Variants in ZEB2 observed in about 807,000 individuals in gnomAD.
ZEB2 encodes the protein zinc finger E-box binding homeobox 2.
A neutral mutation model predicts 99.9 loss-of-function variants in ZEB2; 6 were observed. The observed-to-expected ratio is 0.06, with a 90% CI of 0.03 to 0.12. ZEB2 has a LOEUF of 0.12. Ranked by LOEUF, ZEB2 falls within the 10% of genes least tolerant of loss-of-function variation. The pLI is 1.00. For missense variants in ZEB2, 969 were observed against 1,502.8 expected (o/e 0.64, Z 5.87); for synonymous variants, 517 against 542.5 (o/e 0.95, Z 0.65).
At chr2:144,443,454 C>T (rs1040891568) in intron 2 of ZEB2, among the ~76,000 whole-genome samples, 1 of 152,102 alleles carries the variant, frequency 6.6e-6, no homozygotes, top group Non-Finnish European at 1.5e-5. Context: ...CAATCTGATA[C>T]TGTAAATTTA....
intron 2 of ZEB2, among the ~76,000 whole-genome samples, chr2:144,465,931 C>T (rs949185258): frequency 2.6e-5 from 4 of 152,094 alleles, no homozygotes; most frequent in African/African-American, 9.7e-5. Flanking sequence ...TCCTCTACAC[C>T]GTCGATTGCG....
intron 2 of ZEB2, chr2:144,504,090 A>C (rs1229590509): frequency 1.4e-3 from 31 of 22,222 alleles, no homozygotes; most frequent in Non-Finnish European, 5.1e-3. Flanking sequence ...AAAAAAAAAA[A>C]AAAACAACAA....
intron 2 of ZEB2, among the ~76,000 whole-genome samples, chr2:144,497,335 G>A (rs775262417): frequency 2.0e-5 from 3 of 152,048 alleles, no homozygotes; most frequent in Non-Finnish European, 4.4e-5. Flanking sequence ...CTCCTCAGGG[G>A]CCCAGGCTCT....
At chr2:144,467,948 G>A (rs1051384877) in intron 2 of ZEB2, among the ~76,000 whole-genome samples, 3 of 152,132 alleles carry the variant, frequency 2.0e-5, no homozygotes, top group African/African-American at 7.2e-5. Context: ...GAATGGTAGG[G>A]GCAGCAGATG....
In ZEB2 at chr2:144,429,786, G is replaced by T. The variant is rs730881207; in HGVS notation, c.314C>A (p.Ala105Asp). The T allele has an allele frequency of 1.7e-5, 28 of 1,613,726 alleles. 1 individual carries two copies. In the South Asian group the frequency reaches 2.4e-4, roughly 14 times the overall value. ...HPWHNNEILQ[A>D]SVDGPEEMKE... The stretch of plus-strand genomic sequence containing the variant: ...ACACTTACCTGGACCATCTACAGAG[G>T]CTTGTAGAATCTCGTTGTTGTGCCA... Residue 105 changes from alanine (A) to aspartate (D), a missense_variant, in exon 3 of 10, where the codon GCC becomes GAC. By Grantham distance (126) the Ala-to-Asp change is moderately radical. Around this residue, in one of 8 missense-constraint regions of ZEB2, gnomAD observed 173 missense variants for 217.7 expected, o/e 0.79. Coordinates refer to ENST00000627532, the MANE Select transcript of ZEB2 (RefSeq NM_014795.4).
At chr2:144,402,108 GT>G (rs1703319797) in intron 6 of ZEB2, among the ~76,000 whole-genome samples, 3 of 152,078 alleles carry the variant, frequency 2.0e-5, no homozygotes, top group African/African-American at 7.2e-5. Context: ...AGGAAAAAAA[GT>G]TTCCTGAAAA....
chr2:144,441,020 G>A (rs892766776), intron 2 of ZEB2, among the ~76,000 whole-genome samples: 10 of 148,078 alleles, frequency 6.8e-5, no homozygotes, highest in African/African-American at 2.5e-4. Flanking sequence ...GTGTCCTCAA[G>A]CAGGGCGCTC....
chr2:144,503,279 A>C lies in ZEB2; in HGVS notation c.73+13999T>G, dbSNP rs138613992. Among the ~76,000 whole-genome samples, 217 of 152,320 alleles carry C rather than the reference A, an allele frequency of 1.4e-3. 1 individual carries two copies. Among genetic ancestry groups the C allele is most frequent in the African/African-American group, 5.2e-3 (215 of 41,570 alleles). On this transcript the variant is annotated intron_variant, in intron 2 of 9. Transcript: ENST00000627532. Reference sequence around the variant, plus strand: ...AGTATTTGAAAACATATTGTTCAGAATTTAAGTTTTAATATCTAGGAATAA... The same window carrying C: ...AGTATTTGAAAACATATTGTTCAGACTTTAAGTTTTAATATCTAGGAATAA...
chr2:144,499,238 A>G (rs1439143114), intron 2 of ZEB2, among the ~76,000 whole-genome samples: 2 of 152,250 alleles, frequency 1.3e-5, no homozygotes, highest in Non-Finnish European at 2.9e-5. Context: ...CAGATACTCA[A>G]ACCCCATATT....
chr2:144,404,268 C>CCCCCTCGCACACCAGT (rs1703351817), intron 5 of ZEB2, 138 bp from the exon 6 acceptor site: 2 of 917,824 alleles, frequency 2.2e-6, no homozygotes, highest in Non-Finnish European at 3.4e-6. Context: ...TTGCACCCGG[C>CCCCCTCGCACACCAGT]CCCCTCGCAC....
In ZEB2 at chr2:144,471,753, C is replaced by T. The variant is rs138017730; in HGVS notation, c.74-41727G>A. Among the ~76,000 whole-genome samples, 794 of 151,796 alleles carry T rather than the reference C, an allele frequency of 5.2e-3. 12 individuals carry two copies. The highest frequency in any genetic ancestry group is 0.019 in the African/African-American group (775 of 41,366). On this transcript the variant is annotated intron_variant, in intron 2 of 9. Transcript: ENST00000627532. ...TAAAATTAATAAGCACAATTACAGCCCTGTAAATGTGGTCAACATTCCCTT... is the reference window on the plus strand; with the variant it reads ...TAAAATTAATAAGCACAATTACAGCTCTGTAAATGTGGTCAACATTCCCTT...
At chr2:144,511,152 C>T (rs1041243563) in intron 2 of ZEB2, among the ~76,000 whole-genome samples, 6 of 152,186 alleles carry the variant, frequency 3.9e-5, no homozygotes, top group Middle Eastern at 3.2e-3. Context: ...ATCAGACCAA[C>T]TTCTAATAAC....
chr2:144,391,398 G>A (rs932888631), intron 9 of ZEB2, among the ~76,000 whole-genome samples: 1 of 152,132 alleles, frequency 6.6e-6, no homozygotes. Flanking sequence ...GATATTTGTT[G>A]GTGACTACTA....
At chr2:144,454,530 G>A (rs1704095796) in intron 2 of ZEB2, among the ~76,000 whole-genome samples, 1 of 152,096 alleles carries the variant, frequency 6.6e-6, no homozygotes. Context: ...CACAAACCTG[G>A]ATGAGATCAA....
At chr2:144,441,441 C>T (rs1703916929) in intron 2 of ZEB2, among the ~76,000 whole-genome samples, 1 of 151,850 alleles carries the variant, frequency 6.6e-6, no homozygotes, top group Admixed American at 6.6e-5. Context: ...CATGGACTTC[C>T]TTCCTTCACT....
intron 2 of ZEB2, among the ~76,000 whole-genome samples, chr2:144,514,935 C>A (rs1705106155): frequency 6.6e-6 from 1 of 152,224 alleles, no homozygotes; most frequent in South Asian, 2.1e-4. Context: ...GCGGACATCT[C>A]TGGCACTCCA....
At chr2:144,396,110 A>G (rs1237704633) in intron 9 of ZEB2, among the ~76,000 whole-genome samples, 1 of 152,208 alleles carries the variant, frequency 6.6e-6, no homozygotes. Context: ...GGTATTTTCA[A>G]TAACTGGCTG....
chr2:144,470,400 T>C (rs1477068526), intron 2 of ZEB2: 3 of 152,190 alleles, frequency 2.0e-5, no homozygotes, highest in East Asian at 1.9e-4. Flanking sequence ...CAAGTATTAA[T>C]ACTTTTTTAT....
intron 2 of ZEB2, among the ~76,000 whole-genome samples, chr2:144,481,571 G>A (rs943913041): frequency 7.2e-5 from 11 of 152,130 alleles, no homozygotes; most frequent in Non-Finnish European, 1.2e-4. Flanking sequence ...AGATAAATGA[G>A]TATACACAGC....
Sources: allele counts gnomAD v4.1 joint callset (sites outside exome capture counted in the v4.1 genomes callset), GRCh38; gene constraint gnomAD v4.1.1; regional missense constraint gnomAD v4.1.1; transcripts MANE v1.5; gene names NCBI Gene and HGNC (gene_info 2026-07-23, HGNC 2026-07-21).